The following FRMD8 variants were observed in gnomAD, a reference collection of about 807,000 sequenced individuals.
FRMD8 encodes the protein FERM domain-containing protein 8.
A neutral mutation model predicts 54.2 loss-of-function variants in FRMD8; 37 were observed. That is an observed-to-expected ratio of 0.68 (90% confidence interval 0.53 to 0.90). The LOEUF (loss-of-function observed/expected upper bound fraction) is 0.90. FRMD8 is among the 40% of genes least tolerant of loss of function. The pLI is 0.00. For missense variants in FRMD8, 585 were observed against 653.7 expected (o/e 0.89, Z 1.15); for synonymous variants, 246 against 286.9 (o/e 0.86, Z 1.44).
upstream of FRMD8, chr11:65,382,014 C>A (rs1039266229): frequency 1.2e-5 from 17 of 1,363,296 alleles, no homozygotes; most frequent in Admixed American, 2.3e-4. The surrounding 1 kb of genome is among the most constrained non-coding windows in gnomAD (Gnocchi z 4.4). Context: ...CCCCCCTCTC[C>A]CTCCCCTGGC....
At chr11:65,399,482 G>A (rs1024191025) in intron 7 of FRMD8, among the ~76,000 whole-genome samples, 5 of 152,156 alleles carry the variant, frequency 3.3e-5, no homozygotes, top group Non-Finnish European at 5.9e-5. Flanking sequence ...CTGGGGCCAC[G>A]CGCTTCCCTC....
At chr11:65,379,823 G>A in the FRMD8 span, 817,808 of 1,606,338 alleles carry the variant, frequency 0.51, 219,539 homozygotes, top group Non-Finnish European at 0.56. Context: ...AGCCCCAGAT[G>A]CCTCCCCGAA....
chr11:65,383,038 T>C (rs1295153841), upstream of FRMD8: 1 of 152,346 alleles, frequency 6.6e-6, no homozygotes, highest in Non-Finnish European at 1.5e-5. Context: ...TCTCAATAAA[T>C]CCTGAGTGAC....
intron 10 of FRMD8, among the ~76,000 whole-genome samples, chr11:65,407,966 G>C (rs1458108228): frequency 6.6e-6 from 1 of 151,758 alleles, no homozygotes; most frequent in East Asian, 1.9e-4. Flanking sequence ...AGCTGTGGCC[G>C]TCAGCGGCTG....
At chr11:65,395,563 C>A (rs1321423829) in intron 6 of FRMD8, among the ~76,000 whole-genome samples, 2 of 152,040 alleles carry the variant, frequency 1.3e-5, no homozygotes, top group Non-Finnish European at 2.9e-5. Context: ...AAGGACTGAG[C>A]GCTCCAACTG....
intron 10 of FRMD8, among the ~76,000 whole-genome samples, chr11:65,408,047 T>C (rs1856244848): frequency 6.6e-6 from 1 of 151,940 alleles, no homozygotes; most frequent in South Asian, 2.1e-4. Flanking sequence ...ATTTTTATAG[T>C]CTTGTAATTT....
the FRMD8 span, chr11:65,376,519 T>G: frequency 5.3e-5 from 86 of 1,614,084 alleles, no homozygotes; most frequent in Middle Eastern, 1.6e-4. Flanking sequence ...CAGTCCTTCC[T>G]GCCGGATGCT....
the FRMD8 span, among the ~76,000 whole-genome samples, chr11:65,369,364 C>T: frequency 2.7e-5 from 4 of 150,764 alleles, no homozygotes; most frequent in East Asian, 5.8e-4. Context: ...GCAAGACGAT[C>T]ACTTAAGCCC....
rs1036918052 is a variant in FRMD8 at position 65,400,555 on chromosome 11, C to T, written c.928-169C>T. ...TCTCAGCTTCCCTGGACCACAGCCC[C>T]TGGCAGGCTCTGATGAAAGCTGAGG... On this transcript the variant is annotated intron_variant, in intron 8 of 10. Coordinates refer to ENST00000317568, the MANE Select transcript of FRMD8 (RefSeq NM_031904.5). The surrounding 1 kb of genome is among the most constrained non-coding windows in gnomAD (Gnocchi z 4.3). Among the ~76,000 whole-genome samples the T allele has an allele frequency of 3.3e-5, 5 of 152,208 alleles. No individual in the cohort carries two copies. The highest frequency in any genetic ancestry group is 1.2e-4 in the African/African-American group (5 of 41,450).
chr11:65,381,813 G>A (rs1855575124), upstream of FRMD8: 27 of 1,457,054 alleles, frequency 1.9e-5, no homozygotes, highest in South Asian at 5.7e-5. Flanking sequence ...CCGCCAGGCC[G>A]GAACTCAGAC....
In FRMD8 at chr11:65,404,726, C is replaced by T. The variant is rs694243; in HGVS notation, c.1072-138C>T. The T allele has an allele frequency of 0.7, 482,424 of 691,410 alleles. 172,530 individuals are homozygous for T. The highest frequency in any genetic ancestry group is 0.74 in the Non-Finnish European group (302,985 of 408,068). The allele number at this position is 691,410 out of a possible 1,614,324, so 42.8% of individuals were successfully genotyped here. On this transcript the variant is annotated intron_variant, in intron 9 of 10. Coordinates refer to ENST00000317568, the MANE Select transcript of FRMD8 (RefSeq NM_031904.5). The surrounding 1 kb of genome is among the most constrained non-coding windows in gnomAD (Gnocchi z 4.7). ...TCACCCAAGTGGGACACCTCCCCTG[C>T]CTCCCTGCTCCCTCCCTCCTGAGTG...
the FRMD8 span, chr11:65,377,318 C>T: frequency 3.8e-5 from 52 of 1,372,186 alleles, no homozygotes; most frequent in Non-Finnish European, 4.9e-5. Context: ...CCTCATGCAA[C>T]AGTGACCAAC....
chr11:65,393,102 G>A lies in FRMD8; in HGVS notation c.254-471G>A, dbSNP rs535857765. Among the ~76,000 whole-genome samples, 21 of 152,356 alleles carry A rather than the reference G, an allele frequency of 1.4e-4. No individual in the cohort carries two copies. The East Asian group carries it at 3.9e-3, about 28-fold the overall frequency. On this transcript the variant is annotated intron_variant, in intron 3 of 10. Coordinates refer to ENST00000317568, the MANE Select transcript of FRMD8 (RefSeq NM_031904.5). ...GAGCTTGCAGGATGGAAGGTCAGCT[G>A]GAGCTCCTCAGAGGTGTCAGAGGTG...
rs541022646 is a variant in FRMD8 at position 65,407,883 on chromosome 11, CA to C, written c.1276+2831del. ...TGGGCGACAGAGCGAGACTCTGTCT[CA>C]AAAAAAAAAAAAAAAGGAAATGAGT... On this transcript the variant is annotated intron_variant, in intron 10 of 10. Coordinates refer to ENST00000317568, the MANE Select transcript of FRMD8 (RefSeq NM_031904.5). 5.3e-3 allele frequency among the ~76,000 whole-genome samples: 656 copies of C among 124,622 alleles called. 5 individuals are homozygous for C. Among genetic ancestry groups the C allele is most frequent in the African/African-American group, 0.018 (596 of 32,652 alleles). 81.8% of individuals were successfully genotyped at this position (124,622 alleles called of 152,430 possible).
At chr11:65,372,983 G>A in the FRMD8 span, among the ~76,000 whole-genome samples, 1 of 152,278 alleles carries the variant, frequency 6.6e-6, no homozygotes, top group East Asian at 1.9e-4. Context: ...GGGGGTGGTG[G>A]CTCACGCCTG....
chr11:65,374,256 G>A, the FRMD8 span, among the ~76,000 whole-genome samples: 5 of 140,990 alleles, frequency 3.5e-5, no homozygotes, highest in East Asian at 9.7e-4. Flanking sequence ...GGCAGGTCTA[G>A]CCCAGGGTGG....
At chr11:65,407,806 C>T (rs1856236714) in intron 10 of FRMD8, among the ~76,000 whole-genome samples, 1 of 151,134 alleles carries the variant, frequency 6.6e-6, no homozygotes, top group Non-Finnish European at 1.5e-5. Context: ...ATGGCGTGAA[C>T]CTGGGAGGCG....
chr11:65,409,194 TC>T (rs749958618), intron 10 of FRMD8, among the ~76,000 whole-genome samples: 1 of 152,048 alleles, frequency 6.6e-6, no homozygotes, highest in Non-Finnish European at 1.5e-5. Flanking sequence ...CAAGTGATTC[TC>T]CCTGCCTCAG....
chr11:65,390,180 C>T (rs1855815934), intron 3 of FRMD8, among the ~76,000 whole-genome samples: 2 of 152,086 alleles, frequency 1.3e-5, no homozygotes, highest in Non-Finnish European at 2.9e-5. Flanking sequence ...TGACCACCCA[C>T]ATCCTGCCCT....
Sources: gnomAD v4.1 joint callset for allele counts (sites outside exome capture counted in the v4.1 genomes callset) on GRCh38, gnomAD v4.1.1 for gene constraint, Gnocchi (gnomAD v3.1) non-coding constraint, MANE v1.5 for transcripts, NCBI Gene and HGNC (gene_info 2026-07-23, HGNC 2026-07-21) for gene names.